The following NDST3 variants were observed in gnomAD, a reference collection of about 807,000 sequenced individuals.
The protein encoded by NDST3 is N-deacetylase and N-sulfotransferase 3, also known as bifunctional heparan sulfate N-deacetylase/N-sulfotransferase 3.
NDST3 carries 58 observed loss-of-function variants against 96.1 expected under a neutral mutation model. The observed-to-expected ratio is 0.60, with a 90% CI of 0.49 to 0.75. NDST3 has a LOEUF of 0.75. Among genes scored for constraint, NDST3 ranks in the 30% least tolerant of loss-of-function variants. The probability of loss-of-function intolerance (pLI) is 0.00; values close to 1 mark genes in which losing one functional copy is unlikely to be tolerated. For missense variants in NDST3, 788 were observed against 1,034.2 expected, an observed-to-expected ratio of 0.76 and a Z score of 3.27; for synonymous variants, 333 against 359.7, an observed-to-expected ratio of 0.93 and a Z score of 0.84.
At chr4:118,090,934 C>CA (rs1175422311) in intron 2 of NDST3, among the ~76,000 whole-genome samples, 1 of 151,602 alleles carries the variant, frequency 6.6e-6, no homozygotes, top group East Asian at 1.9e-4. Context: ...ACAAATTAAA[C>CA]AAAAAACTTT....
At chr4:118,069,661 T>C (rs1726887292) in intron 2 of NDST3, among the ~76,000 whole-genome samples, 1 of 152,072 alleles carries the variant, frequency 6.6e-6, no homozygotes, top group Admixed American at 6.6e-5. Flanking sequence ...GCAAATCTAA[T>C]AGGTAAAATT....
intron 6 of NDST3, among the ~76,000 whole-genome samples, chr4:118,174,157 T>C (rs1305479870): frequency 6.6e-6 from 1 of 152,248 alleles, no homozygotes; most frequent in African/African-American, 2.4e-5. Flanking sequence ...ATAATGGGAA[T>C]GCGTCAGAAG....
At chr4:118,246,107 A>T (rs1342368999) in intron 12 of NDST3, among the ~76,000 whole-genome samples, 1 of 152,242 alleles carries the variant, frequency 6.6e-6, no homozygotes, top group African/African-American at 2.4e-5. Flanking sequence ...AGATTTTATT[A>T]TGAATAAAAT....
chr4:118,069,241 C>CAG (rs368117993), intron 2 of NDST3, among the ~76,000 whole-genome samples: 12 of 151,184 alleles, frequency 7.9e-5, no homozygotes, highest in African/African-American at 2.2e-4. Flanking sequence ...GGGGAAGGAA[C>CAG]AGAGAGAGAG....
intron 2 of NDST3, among the ~76,000 whole-genome samples, chr4:118,068,166 CTTTTTTT>C (rs34891564): frequency 2.4e-5 from 2 of 84,336 alleles, no homozygotes; most frequent in South Asian, 5.1e-4. Flanking sequence ...TACTTGATCT[CTTTTTTT>C]TTTTTTTTTT....
intron 6 of NDST3, among the ~76,000 whole-genome samples, chr4:118,217,522 T>C (rs188103243): frequency 9.3e-4 from 142 of 152,224 alleles, no homozygotes; most frequent in Non-Finnish European, 1.6e-4. Context: ...ATGGAACTCA[T>C]ACATTTTCCA....
At chr4:118,036,664 TTGTC>T (rs1307714784) in intron 1 of NDST3, among the ~76,000 whole-genome samples, 1 of 152,192 alleles carries the variant, frequency 6.6e-6, no homozygotes. Context: ...ATTTCTTGGT[TTGTC>T]TGTTTGTTTA....
chr4:118,121,862 T>C (rs1731609062), intron 4 of NDST3, among the ~76,000 whole-genome samples: 2 of 152,162 alleles, frequency 1.3e-5, no homozygotes, highest in South Asian at 2.1e-4. Context: ...GCAAAATGTA[T>C]TCTCATTTGG....
chr4:118,166,515 A>AG (rs879666259), intron 6 of NDST3, among the ~76,000 whole-genome samples: 6 of 151,972 alleles, frequency 3.9e-5, no homozygotes, highest in Admixed American at 3.9e-4. Flanking sequence ...CTCCAAAAAA[A>AG]CGGAATAGAA....
chr4:118,133,223 A>C (rs28562324), intron 4 of NDST3, among the ~76,000 whole-genome samples: 5,374 of 152,256 alleles, frequency 0.035, 139 homozygotes, highest in African/African-American at 0.072. Flanking sequence ...GCAAGACTTG[A>C]CAAGAAACTC....
intron 13 of NDST3, among the ~76,000 whole-genome samples, chr4:118,254,203 C>T (rs1741958959): frequency 6.6e-6 from 1 of 150,854 alleles, no homozygotes; most frequent in South Asian, 2.1e-4. Context: ...CCAGATTGCA[C>T]CATTGCGCTC....
chr4:118,078,747 A>G (rs1727784913), intron 2 of NDST3, among the ~76,000 whole-genome samples: 1 of 151,542 alleles, frequency 6.6e-6, no homozygotes, highest in African/African-American at 2.4e-5. Flanking sequence ...AGACTCTGAA[A>G]AAAAAAAAAA....
At chr4:118,036,639 A>G (rs1389985315) in intron 1 of NDST3, among the ~76,000 whole-genome samples, 1 of 152,178 alleles carries the variant, frequency 6.6e-6, no homozygotes, top group African/African-American at 2.4e-5. Flanking sequence ...TTTCTCGTAA[A>G]GGGGTGATTT....
chr4:118,053,093 C>G (rs1725176476), intron 1 of NDST3, among the ~76,000 whole-genome samples: 1 of 151,872 alleles, frequency 6.6e-6, no homozygotes, highest in African/African-American at 2.4e-5. Context: ...TTGCAGAAAC[C>G]CTGGGAAGTA....
At chr4:118,071,637 T>C (rs1727084881) in intron 2 of NDST3, among the ~76,000 whole-genome samples, 1 of 152,098 alleles carries the variant, frequency 6.6e-6, no homozygotes, top group African/African-American at 2.4e-5. Flanking sequence ...ATGGCATATA[T>C]TTACATTTTC....
At chr4:118,047,321 T>C (rs1724827812) in intron 1 of NDST3, among the ~76,000 whole-genome samples, 1 of 152,204 alleles carries the variant, frequency 6.6e-6, no homozygotes, top group Non-Finnish European at 1.5e-5. Flanking sequence ...AGAATCATGG[T>C]AAGACCTCTG....
chr4:118,114,636 C>A (rs1730907412), intron 3 of NDST3, among the ~76,000 whole-genome samples, 170 bp from the exon 4 acceptor site: 1 of 152,086 alleles, frequency 6.6e-6, no homozygotes, highest in African/African-American at 2.4e-5. Flanking sequence ...TGATTATTTC[C>A]TGATTAACAG....
At chr4:118,217,769 C>T (rs1270623981) in intron 6 of NDST3, among the ~76,000 whole-genome samples, 3 of 151,842 alleles carry the variant, frequency 2.0e-5, no homozygotes, top group Admixed American at 6.6e-5. Context: ...CATAAGTTAA[C>T]ATGCATCTGA....
At chr4:118,144,919 A>C (rs143125048) in intron 6 of NDST3, among the ~76,000 whole-genome samples, 2 of 152,228 alleles carry the variant, frequency 1.3e-5, no homozygotes, top group African/African-American at 4.8e-5. Flanking sequence ...TGTATTCATC[A>C]CTATACCTAT....
Sources: allele counts gnomAD v4.1 joint callset (sites outside exome capture counted in the v4.1 genomes callset), GRCh38; gene constraint gnomAD v4.1.1; transcripts MANE v1.5; gene names NCBI Gene and HGNC (gene_info 2026-07-23, HGNC 2026-07-21).